SNTG1: variants seen among roughly 807,000 people sequenced by gnomAD.
SNTG1 encodes the protein syntrophin gamma 1, also known as gamma-1-syntrophin.
SNTG1 carries 39 observed loss-of-function variants against 74.7 expected under a neutral mutation model. The observed-to-expected ratio is 0.52, with a 90% CI of 0.40 to 0.68. SNTG1 has a LOEUF of 0.68. Ranked by LOEUF, SNTG1 falls within the 30% of genes least tolerant of loss-of-function variation. The pLI is 0.00. For missense variants in SNTG1, 685 were observed against 609.5 expected (o/e 1.12, Z -1.30); for synonymous variants, 254 against 217.1 (o/e 1.17, Z -1.49).
At chr8:49,993,326 T>C (rs2130342823) in intron 1 of SNTG1, among the ~76,000 whole-genome samples, 1 of 151,608 alleles carries the variant, frequency 6.6e-6, no homozygotes, top group South Asian at 2.1e-4. Context: ...AGTAATAGCT[T>C]TTATTTAAAA....
At chr8:50,476,857 G>GACAC (rs59121229) in intron 8 of SNTG1, among the ~76,000 whole-genome samples, 14,747 of 145,876 alleles carry the variant, frequency 0.1, 922 homozygotes, top group African/African-American at 0.18. Flanking sequence ...GACACACACA[G>GACAC]ACACACACAC....
intron 15 of SNTG1, among the ~76,000 whole-genome samples, chr8:50,667,591 T>C (rs746904236): frequency 6.6e-6 from 1 of 152,002 alleles, no homozygotes; most frequent in Non-Finnish European, 1.5e-5. Flanking sequence ...CTGATGACCT[T>C]ATCTAATTCT....
intron 2 of SNTG1, among the ~76,000 whole-genome samples, chr8:50,337,983 A>T (rs1192238783): frequency 6.6e-6 from 1 of 151,922 alleles, no homozygotes; most frequent in Admixed American, 6.6e-5. Flanking sequence ...AAAAATGCAA[A>T]AAGTTAGCCG....
chr8:50,253,734 C>T (rs1008105684), intron 2 of SNTG1, among the ~76,000 whole-genome samples: 4 of 151,610 alleles, frequency 2.6e-5, no homozygotes, highest in African/African-American at 9.7e-5. Flanking sequence ...TACTATTCAG[C>T]TGTAGAAAAG....
Position 49,947,042 on chromosome 8 carries a change from GT to G in SNTG1, c.-103+34812del, listed in dbSNP as rs533045415. Among the ~76,000 whole-genome samples the G allele has an allele frequency of 3.3e-5, 5 of 152,332 alleles. No individual in the cohort carries two copies. The South Asian group carries it at 1.0e-3, about 32-fold the overall frequency. On this transcript the variant is annotated intron_variant, in intron 1 of 18. Coordinates refer to ENST00000642720, the MANE Select transcript of SNTG1 (RefSeq NM_018967.5). The stretch of plus-strand genomic sequence containing the variant: ...TGGCCAAGTGTGGTGGCTCATGCCT[GT>G]AATCCCAGCACTTTGGGAGGCTGAG...
At chr8:50,102,411 T>C (rs1302495274) in intron 1 of SNTG1, among the ~76,000 whole-genome samples, 1 of 150,518 alleles carries the variant, frequency 6.6e-6, no homozygotes, top group Non-Finnish European at 1.5e-5. Flanking sequence ...GGGTTGTTTG[T>C]TTTTTTCTTG....
chr8:50,100,894 T>G lies in SNTG1; in HGVS notation c.-102-71667T>G, dbSNP rs577261444. 2.0e-5 allele frequency among the ~76,000 whole-genome samples: 3 copies of G among 152,234 alleles called. No individual in the cohort carries two copies. The South Asian group carries it at 6.2e-4, about 32-fold the overall frequency. Reference sequence around the variant, plus strand: ...TATTTCATCACCCAAGTGAGACGCATAGTACCCAATAGTCAGTTTTTTCAT... The same window carrying G: ...TATTTCATCACCCAAGTGAGACGCAGAGTACCCAATAGTCAGTTTTTTCAT... On this transcript the variant is annotated intron_variant, in intron 1 of 18. Coordinates refer to ENST00000642720, the MANE Select transcript of SNTG1 (RefSeq NM_018967.5).
At chr8:50,156,325 G>A (rs1394683648) in intron 1 of SNTG1, among the ~76,000 whole-genome samples, 1 of 152,028 alleles carries the variant, frequency 6.6e-6, no homozygotes, top group Non-Finnish European at 1.5e-5. Flanking sequence ...ATAGCAGAAT[G>A]AAAATGTATT....
At chr8:50,108,500 A>T (rs963763212) in intron 1 of SNTG1, among the ~76,000 whole-genome samples, 1 of 152,232 alleles carries the variant, frequency 6.6e-6, no homozygotes, top group African/African-American at 2.4e-5. Context: ...CGTATTTTCA[A>T]TGCTATAAAG....
intron 17 of SNTG1, among the ~76,000 whole-genome samples, chr8:50,715,662 C>A (rs1396217314): frequency 6.6e-6 from 1 of 152,038 alleles, no homozygotes; most frequent in East Asian, 1.9e-4. Context: ...ATTGAATATA[C>A]ATTAAAAGCA....
At chr8:49,925,444 ATCTGTCTGTCTG>A (rs113098707) in intron 1 of SNTG1, among the ~76,000 whole-genome samples, 285 of 151,760 alleles carry the variant, frequency 1.9e-3, no homozygotes, top group African/African-American at 6.5e-3. Flanking sequence ...GTGTGTGTGT[ATCTGTCTGTCTG>A]TCTGTCTGTC....
chr8:50,091,259 T>C (rs1008573939), intron 1 of SNTG1, among the ~76,000 whole-genome samples: 3 of 152,032 alleles, frequency 2.0e-5, no homozygotes, highest in Non-Finnish European at 4.4e-5. Flanking sequence ...TACATAACGG[T>C]CTCGAATTTC....
chr8:50,429,470 A>G (rs2093206698), intron 4 of SNTG1, among the ~76,000 whole-genome samples: 1 of 152,148 alleles, frequency 6.6e-6, no homozygotes, highest in African/African-American at 2.4e-5. Context: ...CACACCACAT[A>G]CAAAAGTTAA....
intron 1 of SNTG1, among the ~76,000 whole-genome samples, chr8:50,049,445 A>G (rs1173906584): frequency 6.6e-6 from 1 of 152,180 alleles, no homozygotes; most frequent in East Asian, 1.9e-4. Context: ...CAGAAGTCAT[A>G]ATAGTCATTA....
At position 50,046,271 on chromosome 8, in the gene SNTG1, A is replaced by T. The variant is rs75110163; in HGVS notation, c.-102-126290A>T. Among the ~76,000 whole-genome samples the T allele has an allele frequency of 4.6e-3, 707 of 152,272 alleles. 5 individuals are homozygous for T. Among genetic ancestry groups the T allele is most frequent in the African/African-American group, 0.016 (665 of 41,552 alleles). Reference sequence around the variant, plus strand: ...ACTGGAGTTTTCTGATCTCCAAACTAGATTGTTTCCAAGAGCTAGCATACT... The same window carrying T: ...ACTGGAGTTTTCTGATCTCCAAACTTGATTGTTTCCAAGAGCTAGCATACT... On this transcript the variant is annotated intron_variant, in intron 1 of 18. Coordinates refer to ENST00000642720, the MANE Select transcript of SNTG1 (RefSeq NM_018967.5).
chr8:50,006,193 C>A (rs1455980399), intron 1 of SNTG1, among the ~76,000 whole-genome samples: 1 of 151,896 alleles, frequency 6.6e-6, no homozygotes, highest in Non-Finnish European at 1.5e-5. Context: ...AATCTCCTGA[C>A]CTTGTGATCC....
rs1405104326 is a variant in SNTG1 at position 50,553,044 on chromosome 8, C to A, written c.681-6C>A. ...TTTTGATCTGATTTGTTCTGAACATCTGCAGGCAGAATGCCTTTCAAGTCA... is the reference window on the plus strand; with the variant it reads ...TTTTGATCTGATTTGTTCTGAACATATGCAGGCAGAATGCCTTTCAAGTCA... On this transcript the variant is annotated splice_region_variant and splice_polypyrimidine_tract_variant and intron_variant, in intron 11 of 18. Coordinates refer to ENST00000642720, the MANE Select transcript of SNTG1 (RefSeq NM_018967.5). The A allele has an allele frequency of 6.2e-7, 1 of 1,613,682 alleles. No individual in the cohort carries two copies. The highest frequency in any genetic ancestry group is 1.7e-5 in the Admixed American group (1 of 59,968).
At chr8:50,538,598 C>CT (rs1209907459) in intron 11 of SNTG1, among the ~76,000 whole-genome samples, 2 of 151,964 alleles carry the variant, frequency 1.3e-5, no homozygotes, top group African/African-American at 4.8e-5. Flanking sequence ...GCTTTCAAGA[C>CT]TTTTTTTTCT....
intron 1 of SNTG1, among the ~76,000 whole-genome samples, chr8:50,156,434 T>C (rs1480607712): frequency 2.0e-5 from 3 of 152,080 alleles, no homozygotes; most frequent in African/African-American, 4.8e-5. Context: ...ATAACACATG[T>C]TGGCCACATA....
Sources: allele counts gnomAD v4.1 joint callset (sites outside exome capture counted in the v4.1 genomes callset), GRCh38; gene constraint gnomAD v4.1.1; transcripts MANE v1.5; gene names NCBI Gene and HGNC (gene_info 2026-07-23, HGNC 2026-07-21).